Variants in DNAH1 observed in about 807,000 individuals in gnomAD.
DNAH1 encodes the protein axonemal beta dynein heavy chain 1.
A neutral mutation model predicts 484.3 loss-of-function variants in DNAH1; 327 were observed. The ratio of observed to expected loss-of-function variants is 0.68; its 90% CI spans 0.62 to 0.74. The LOEUF (loss-of-function observed/expected upper bound fraction) is 0.74. Among genes scored for constraint, DNAH1 ranks in the 30% least tolerant of loss-of-function variants. The probability of loss-of-function intolerance (pLI) is 0.00; values close to 1 mark genes in which losing one functional copy is unlikely to be tolerated. For missense variants in DNAH1, 5,052 were observed against 5,546.8 expected, an observed-to-expected ratio of 0.91 and a Z score of 2.83; for synonymous variants, 2,192 against 2,191.9, an observed-to-expected ratio of 1.00 and a Z score of 0.00.
chr3:52,365,019 G>T lies in DNAH1; in HGVS notation c.5518G>T (p.Gly1840Cys), dbSNP rs1007824439. 6.2e-7 allele frequency: 1 copy of T among 1,606,436 alleles called. No homozygotes were observed. Among genetic ancestry groups the T allele is most frequent in the Admixed American group, 1.7e-5 (1 of 59,818 alleles). ...GAACAGCAACCTCAAGGATGTGGAG[G>T]GTGAGCCTCGGGCCCTGAGTGTTCG... ...CRNSNLKDVE[G>C]FLTKCIQLYE... is the part of the protein sequence containing the mutation. The change falls in exon 34 of 78, where the codon GGC becomes TGC. Residue 1840 changes from glycine (G) to cysteine (C), a missense_variant and splice_region_variant. This residue lies in a region of DNAH1 where 2,929 missense variants were observed against 3,409.4 expected (regional missense o/e 0.86). Coordinates refer to ENST00000420323, the MANE Select transcript of DNAH1 (RefSeq NM_015512.5).
At position 52,382,365 on chromosome 3, in the gene DNAH1, C is replaced by T. The variant is rs1172388319; in HGVS notation, c.7851C>T (p.Gly2617=). ...AGATTGAACTATCCAAGAACTACGG[C>T]ATGTCCGAGTGGCGAGATGATGTGA... ...CFQIELSKNY[G]MSEWRDDVKK... is the part of the protein sequence containing the mutation. Residue 2617 remains glycine (G), a synonymous_variant, in exon 50 of 78, where the codon GGC becomes GGT. Coordinates refer to ENST00000420323, the MANE Select transcript of DNAH1 (RefSeq NM_015512.5). 6.2e-7 allele frequency: 1 copy of T among 1,613,910 alleles called. No homozygotes were observed. The highest frequency in any genetic ancestry group is 1.3e-5 in the African/African-American group (1 of 74,940).
chr3:52,353,767 G>C lies in DNAH1; in HGVS notation c.3480+134G>C. Reference sequence around the variant, plus strand: ...ATCCCTGGGGTCATGAGGCCCAGGGGTTGAGATGCATTCTATTAAGTGAGT... The same window carrying C: ...ATCCCTGGGGTCATGAGGCCCAGGGCTTGAGATGCATTCTATTAAGTGAGT... On this transcript the variant is annotated intron_variant, in intron 20 of 77. Transcript: ENST00000420323. This position sits in a 1 kb window ranked among gnomAD's most constrained non-coding sequence, Gnocchi z 5.0. The C allele has an allele frequency of 8.6e-7, 1 of 1,162,152 alleles. No homozygotes were observed. The highest frequency in any genetic ancestry group is 1.2e-6 in the Non-Finnish European group (1 of 831,580). 72.0% of individuals were successfully genotyped at this position (1,162,152 alleles called of 1,614,324 possible). A position where few individuals can be genotyped will look rare whatever the true frequency, so the allele number is the denominator to read the frequency against.
At chr3:52,342,334 A>T (rs968831918) in intron 8 of DNAH1, among the ~76,000 whole-genome samples, 2 of 152,248 alleles carry the variant, frequency 1.3e-5, no homozygotes, top group African/African-American at 4.8e-5. Context: ...TTGATCGTTT[A>T]CATGTTTAAA....
chr3:52,388,515 C>T lies in DNAH1; in HGVS notation c.9269C>T (p.Thr3090Ile), dbSNP rs764891965. The T allele has an allele frequency of 6.2e-7, 1 of 1,612,952 alleles. No individual in the cohort carries two copies. Among genetic ancestry groups the T allele is most frequent in the East Asian group, 2.2e-5 (1 of 44,846 alleles). The change falls in exon 58 of 78, where the codon ACA (threonine) becomes ATA (isoleucine). Residue 3090 changes from threonine to isoleucine, a missense_variant. Thr to Ile is a moderately conservative substitution (Grantham distance 89). Around this residue, in one of 4 missense-constraint regions of DNAH1, gnomAD observed 2,929 missense variants for 3,409.4 expected, o/e 0.86. Transcript: ENST00000420323. ...CGTGAGGTGGAGGACGGCATCGCCA[C>T]AATGCAGGCTAAGTACCGGGAATGC... ...RLREVEDGIA[T>I]MQAKYRECIT...
At chr3:52,354,730 G>A in intron 20 of DNAH1, 113 bp from the exon 21 acceptor site, 1 of 979,460 alleles carries the variant, frequency 1.0e-6, no homozygotes, top group South Asian at 1.5e-5. Flanking sequence ...TGCCAGAGCG[G>A]CCATGTGGAG....
chr3:52,339,865 CAAGGTTT>C (rs1701871821), intron 8 of DNAH1, among the ~76,000 whole-genome samples: 1 of 151,190 alleles, frequency 6.6e-6, no homozygotes, highest in Non-Finnish European at 1.5e-5. Context: ...GTGGGTCCTC[CAAGGTTT>C]TTGTCCTCTT....
Position 52,391,160 on chromosome 3 carries a change from T to G in DNAH1, c.9742-19T>G. ...GGCTCTCAGTCCCTGCAACCCCTTCTTTTCCCCTTCCCTTACAGGAGAAGG... is the reference window on the plus strand; with the variant it reads ...GGCTCTCAGTCCCTGCAACCCCTTCGTTTCCCCTTCCCTTACAGGAGAAGG... On this transcript the variant is annotated intron_variant, in intron 61 of 77. Transcript: ENST00000420323. 1 of 1,613,436 alleles carries G rather than the reference T, an allele frequency of 6.2e-7. No individual in the cohort carries two copies. The highest frequency in any genetic ancestry group is 8.5e-7 in the Non-Finnish European group (1 of 1,179,506).
At chr3:52,320,886 T>C (rs1394738150) in intron 1 of DNAH1, among the ~76,000 whole-genome samples, 2 of 150,570 alleles carry the variant, frequency 1.3e-5, no homozygotes, top group Admixed American at 1.3e-4. Context: ...TTGCAACCTC[T>C]GTCTCCCGGG....
At chr3:52,365,911 G>A (rs908193494) in intron 34 of DNAH1, among the ~76,000 whole-genome samples, 17 of 152,162 alleles carry the variant, frequency 1.1e-4, no homozygotes, top group African/African-American at 2.2e-4. Context: ...CACCTTTGCC[G>A]TCCCTGGCTA....
In DNAH1 at chr3:52,319,888, C is replaced by T. The variant is rs925375048; in HGVS notation, c.-34-2521C>T. On this transcript the variant is annotated intron_variant, in intron 1 of 77. Transcript: ENST00000420323. Reference sequence around the variant, plus strand: ...TCTTTGGGACACACCTCGGTGCATCCCCCCCACTGCCAGCTTGCATGGAGG... The same window carrying T: ...TCTTTGGGACACACCTCGGTGCATCTCCCCCACTGCCAGCTTGCATGGAGG... Among the ~76,000 whole-genome samples, 44 of 152,270 alleles carry T rather than the reference C, an allele frequency of 2.9e-4. 1 individual carries two copies. The highest frequency in any genetic ancestry group is 9.9e-4 in the African/African-American group (41 of 41,552).
chr3:52,373,787 G>A, intron 44 of DNAH1: 1 of 1,420,888 alleles, frequency 7.0e-7, no homozygotes, highest in Non-Finnish European at 1.0e-6. Context: ...TAAGTGAAAT[G>A]GTAGAATATA....
chr3:52,322,818 C>G (rs1467789390), intron 2 of DNAH1, 43 bp downstream of exon 2: 1 of 1,521,280 alleles, frequency 6.6e-7, no homozygotes, highest in East Asian at 2.4e-5. Context: ...AACCCTTCCT[C>G]TGGGCTCCGT....
chr3:52,378,679 C>T lies in DNAH1; in HGVS notation c.7276C>T (p.Gln2426Ter). 1.2e-6 allele frequency: 2 copies of T among 1,613,852 alleles called. No homozygotes were observed. Among genetic ancestry groups the T allele is most frequent in the Non-Finnish European group, 1.7e-6 (2 of 1,179,880 alleles). ...TIMVYATITS[Q>*]LLPTPAKSHY... Reference sequence around the variant, plus strand: ...CATGGTGTATGCAACCATCACCTCCCAGCTGCTGCCCACTCCAGCCAAGTC... The same window carrying T: ...CATGGTGTATGCAACCATCACCTCCTAGCTGCTGCCCACTCCAGCCAAGTC... Residue 2426 changes from glutamine to a stop codon, truncating the protein, a stop_gained, in exon 47 of 78, where the codon CAG (glutamine) becomes TAG (stop). Transcript: ENST00000420323. LOFTEE classifies it high-confidence loss of function.
rs551833845 is a variant in DNAH1 at position 52,386,603 on chromosome 3, C to T, written c.8812-59C>T. Reference sequence around the variant, plus strand: ...GTAGGGCCAACCTTTCTGGCAGGGTCCCTGCCGAGGGGTGCCCACTGGGTC... The same window carrying T: ...GTAGGGCCAACCTTTCTGGCAGGGTTCCTGCCGAGGGGTGCCCACTGGGTC... On this transcript the variant is annotated intron_variant, in intron 55 of 77. Coordinates refer to ENST00000420323, the MANE Select transcript of DNAH1 (RefSeq NM_015512.5). The T allele has an allele frequency of 3.3e-5, 48 of 1,473,060 alleles. No homozygotes were observed. In the South Asian group the frequency reaches 5.1e-4, roughly 16 times the overall value. The allele number at this position is 1,473,060 out of a possible 1,614,324, so 91.2% of individuals were successfully genotyped here.
intron 43 of DNAH1, among the ~76,000 whole-genome samples, chr3:52,372,608 C>T (rs1182084630): frequency 1.3e-5 from 2 of 152,218 alleles, no homozygotes; most frequent in African/African-American, 4.8e-5. Flanking sequence ...GGGTGCTCGC[C>T]CTGGCTGTGC....
intron 60 of DNAH1, among the ~76,000 whole-genome samples, chr3:52,390,232 A>G (rs537489974): frequency 6.6e-6 from 1 of 152,348 alleles, no homozygotes; most frequent in African/African-American, 2.4e-5. Context: ...TGGGAGGCCA[A>G]GGCAAGTGGA....
At position 52,392,685 on chromosome 3, in the gene DNAH1, T is replaced by A. The variant is rs1253947254; in HGVS notation, c.10274T>A (p.Ile3425Asn). 1.3e-6 allele frequency: 2 copies of A among 1,597,908 alleles called. No individual in the cohort carries two copies. The highest frequency in any genetic ancestry group is 1.3e-5 in the African/African-American group (1 of 74,498). Residue 3425 changes from isoleucine (I) to asparagine (N), a missense_variant, in exon 64 of 78, where the codon ATC becomes AAC. This residue lies in a region of DNAH1 where 2,929 missense variants were observed against 3,409.4 expected (regional missense o/e 0.86). Coordinates refer to ENST00000420323, the MANE Select transcript of DNAH1 (RefSeq NM_015512.5). ...LEASKMKAAE[I>N]QAKVRIAEQT... ...GCCTCCAAGATGAAGGCTGCTGAGA[T>A]CCAGGTCAGCTGCTGCCTGCCCACC...
chr3:52,398,887 C>G lies in DNAH1; in HGVS notation c.12127C>G (p.Gln4043Glu), dbSNP rs1559578886. 6.3e-7 allele frequency: 1 copy of G among 1,589,344 alleles called. No individual in the cohort carries two copies. The highest frequency in any genetic ancestry group is 1.3e-5 in the African/African-American group (1 of 74,612). Residue 4043 changes from glutamine to glutamate, a missense_variant, in exon 76 of 78, where the codon CAA (glutamine) becomes GAA (glutamate). Transcript: ENST00000420323. ...RLLQVITQTLQDLLKALKGLV... is the reference protein window; with the variant it reads ...RLLQVITQTLEDLLKALKGLV... ...GCTGCAGGTGATCACACAGACACTGCAAGACCTACTCAAGGCACTCAAGGG... is the reference window on the plus strand; with the variant it reads ...GCTGCAGGTGATCACACAGACACTGGAAGACCTACTCAAGGCACTCAAGGG...
intron 36 of DNAH1, among the ~76,000 whole-genome samples, chr3:52,367,551 T>C (rs1445050443): frequency 6.6e-6 from 1 of 151,800 alleles, no homozygotes; most frequent in Non-Finnish European, 1.5e-5. Context: ...AAGTCCCCTG[T>C]TAAAGAAAAA....
Sources: allele counts gnomAD v4.1 joint callset (sites outside exome capture counted in the v4.1 genomes callset), GRCh38; gene constraint gnomAD v4.1.1; regional missense constraint gnomAD v4.1.1; non-coding constraint Gnocchi (gnomAD v3.1); transcripts MANE v1.5; gene names NCBI Gene and HGNC (gene_info 2026-07-23, HGNC 2026-07-21).